Variants in HAPLN1 observed in about 807,000 individuals in gnomAD.
HAPLN1 encodes the protein hyaluronan and proteoglycan link protein 1, also known as Cartilage link protein.
Under a neutral mutation model 36.5 loss-of-function variants are expected in HAPLN1, and 13 were observed. The observed-to-expected ratio is 0.36, with a 90% confidence interval of 0.23 to 0.57. The LOEUF (loss-of-function observed/expected upper bound fraction) is 0.57, where lower values mean the gene tolerates loss of function less well. Ranked by LOEUF, HAPLN1 falls within the 20% of genes least tolerant of loss-of-function variation. HAPLN1 has a pLI of 0.83. For synonymous variants in HAPLN1, 202 were observed against 169.8 expected, an observed-to-expected ratio of 1.19 and a Z score of -1.48; for missense variants, 407 against 439.7, an observed-to-expected ratio of 0.93 and a Z score of 0.66.
intron 1 of HAPLN1, among the ~76,000 whole-genome samples, chr5:83,690,835 A>G (rs1160128180): frequency 6.6e-6 from 1 of 152,064 alleles, no homozygotes; most frequent in Non-Finnish European, 1.5e-5. Flanking sequence ...TACTATCCTG[A>G]GTATTTTATT....
At chr5:83,642,651 C>T (rs1023037953) in intron 4 of HAPLN1, among the ~76,000 whole-genome samples, 2 of 152,166 alleles carry the variant, frequency 1.3e-5, no homozygotes, top group African/African-American at 4.8e-5. Flanking sequence ...ATCAGACTCT[C>T]TTGCCTGATT....
At chr5:83,696,491 A>C (rs1407925480) in intron 1 of HAPLN1, among the ~76,000 whole-genome samples, 1 of 152,192 alleles carries the variant, frequency 6.6e-6, no homozygotes, top group Non-Finnish European at 1.5e-5. Flanking sequence ...AGTTGAAAGC[A>C]CAAAGAGTTG....
At chr5:83,654,585 C>T (rs1344421478) in intron 2 of HAPLN1, among the ~76,000 whole-genome samples, 1 of 152,204 alleles carries the variant, frequency 6.6e-6, no homozygotes, top group Admixed American at 6.5e-5. Context: ...CATTTCCTCA[C>T]CAGTATCTTG....
chr5:83,683,193 T>C (rs1012275070), intron 1 of HAPLN1, among the ~76,000 whole-genome samples: 7 of 152,268 alleles, frequency 4.6e-5, no homozygotes, highest in South Asian at 2.1e-4. Context: ...TTTTACATTG[T>C]TCTAAATACT....
At chr5:83,702,674 G>A (rs1040636990) in intron 1 of HAPLN1, among the ~76,000 whole-genome samples, 5 of 152,116 alleles carry the variant, frequency 3.3e-5, no homozygotes, top group South Asian at 2.1e-4. Context: ...TTTCTTACTC[G>A]TTAGTCTGTC....
At chr5:83,645,140 G>A (rs1171165026) in intron 3 of HAPLN1, among the ~76,000 whole-genome samples, 1 of 144,696 alleles carries the variant, frequency 6.9e-6, no homozygotes, top group East Asian at 2.0e-4. Context: ...CTCCAAGAGA[G>A]GTACTTATCA....
At chr5:83,700,352 C>G (rs986469407) in intron 1 of HAPLN1, among the ~76,000 whole-genome samples, 1 of 152,114 alleles carries the variant, frequency 6.6e-6, no homozygotes. Context: ...GGACCCTTTT[C>G]CCACCCATCA....
intron 1 of HAPLN1, among the ~76,000 whole-genome samples, chr5:83,686,701 C>T (rs1310583173): frequency 2.6e-5 from 4 of 152,106 alleles, no homozygotes; most frequent in Non-Finnish European, 5.9e-5. Flanking sequence ...CAGCACCTGC[C>T]GCCCACCTGC....
chr5:83,708,103 C>T (rs1314555937), intron 1 of HAPLN1, among the ~76,000 whole-genome samples: 1 of 152,198 alleles, frequency 6.6e-6, no homozygotes, highest in East Asian at 1.9e-4. Flanking sequence ...AACACTTATA[C>T]ATTGTTGGAG....
At chr5:83,657,333 G>T (rs1489661187) in intron 2 of HAPLN1, among the ~76,000 whole-genome samples, 1 of 151,954 alleles carries the variant, frequency 6.6e-6, no homozygotes. Context: ...CCTGACCTCA[G>T]GTGATCCACC....
intron 2 of HAPLN1, among the ~76,000 whole-genome samples, chr5:83,653,397 G>C (rs1342661352): frequency 6.6e-6 from 1 of 152,116 alleles, no homozygotes; most frequent in African/African-American, 2.4e-5. Flanking sequence ...CCTGTGTTAG[G>C]CTCTTCTGAA....
intron 2 of HAPLN1, among the ~76,000 whole-genome samples, chr5:83,662,171 G>A (rs959805561): frequency 6.6e-6 from 1 of 152,142 alleles, no homozygotes; most frequent in Non-Finnish European, 1.5e-5. Context: ...CCAAAGTGCT[G>A]GGATTACAGG....
chr5:83,670,890 T>G (rs1311565342), intron 2 of HAPLN1, among the ~76,000 whole-genome samples: 1 of 152,172 alleles, frequency 6.6e-6, no homozygotes, highest in Non-Finnish European at 1.5e-5. Flanking sequence ...AGACGGGGTT[T>G]CACCATGTTG....
intron 1 of HAPLN1, among the ~76,000 whole-genome samples, chr5:83,701,276 G>A (rs1026649231): frequency 1.3e-5 from 2 of 152,216 alleles, no homozygotes; most frequent in African/African-American, 4.8e-5. Flanking sequence ...AACTTATTTC[G>A]TGTAGCTTCA....
At chr5:83,653,110 A>G (rs1341912374) in intron 2 of HAPLN1, among the ~76,000 whole-genome samples, 4 of 152,202 alleles carry the variant, frequency 2.6e-5, no homozygotes, top group African/African-American at 9.6e-5. Context: ...TGATTTCATA[A>G]TAAATTCTAT....
intron 1 of HAPLN1, among the ~76,000 whole-genome samples, chr5:83,691,702 C>T (rs983828945): frequency 5.9e-5 from 9 of 151,750 alleles, no homozygotes; most frequent in Non-Finnish European, 1.3e-4. Flanking sequence ...CATACGGAAT[C>T]CAACAGAAAG....
chr5:83,702,391 A>G (rs748399751), intron 1 of HAPLN1, among the ~76,000 whole-genome samples: 6 of 152,224 alleles, frequency 3.9e-5, no homozygotes, highest in Non-Finnish European at 8.8e-5. Context: ...GGATATGAAC[A>G]TCTCAAACTG....
chr5:83,712,360 G>C (rs1473616488), intron 1 of HAPLN1, among the ~76,000 whole-genome samples: 1 of 151,886 alleles, frequency 6.6e-6, no homozygotes, highest in East Asian at 1.9e-4. Flanking sequence ...CTTGAAAATG[G>C]AGCACATAAA....
At chr5:83,650,736 G>A (rs539344994) in intron 3 of HAPLN1, among the ~76,000 whole-genome samples, 126 of 148,530 alleles carry the variant, frequency 8.5e-4, no homozygotes, top group African/African-American at 3.1e-3. Context: ...CTGGGTTCAC[G>A]CCATTTTCCT....
Sources: allele counts gnomAD v4.1 joint callset (sites outside exome capture counted in the v4.1 genomes callset), GRCh38; gene constraint gnomAD v4.1.1; transcripts MANE v1.5; gene names NCBI Gene and HGNC (gene_info 2026-07-23, HGNC 2026-07-21).